Variants in PDE3A observed in about 807,000 individuals in gnomAD.
PDE3A encodes the protein phosphodiesterase 3A.
A neutral mutation model predicts 98.3 loss-of-function variants in PDE3A; 43 were observed. The observed-to-expected ratio is 0.44, with a 90% CI of 0.34 to 0.56. PDE3A has a LOEUF of 0.56. Ranked by LOEUF, PDE3A falls within the 20% of genes least tolerant of loss-of-function variation. The pLI is 0.01. For missense variants in PDE3A, 1,427 were observed against 1,440.7 expected (o/e 0.99, Z 0.15); for synonymous variants, 663 against 567.9 (o/e 1.17, Z -2.38).
intron 1 of PDE3A, among the ~76,000 whole-genome samples, chr12:20,531,367 A>G (rs1010139663): frequency 6.6e-6 from 1 of 152,284 alleles, no homozygotes; most frequent in Middle Eastern, 3.4e-3. Context: ...TTAAAATTAA[A>G]GATAATTCTA....
At chr12:20,448,559 A>C (rs1045121036) in intron 1 of PDE3A, among the ~76,000 whole-genome samples, 4 of 152,178 alleles carry the variant, frequency 2.6e-5, no homozygotes, top group Non-Finnish European at 5.9e-5. Flanking sequence ...CTTGGAGTTA[A>C]GACATTTTAA....
chr12:20,669,101 G>T (rs1249608290), intron 15 of PDE3A, among the ~76,000 whole-genome samples: 1 of 150,510 alleles, frequency 6.6e-6, no homozygotes, highest in Non-Finnish European at 1.5e-5. Context: ...CGGTATCAGC[G>T]ATGGAAGATG....
At chr12:20,389,434 G>C (rs1565533834) in intron 1 of PDE3A, among the ~76,000 whole-genome samples, 1 of 151,964 alleles carries the variant, frequency 6.6e-6, no homozygotes, top group Non-Finnish European at 1.5e-5. Flanking sequence ...AGGAAGATCA[G>C]AGTGCCAGTA....
chr12:20,448,210 C>T (rs1202721062), intron 1 of PDE3A, among the ~76,000 whole-genome samples: 5 of 152,084 alleles, frequency 3.3e-5, no homozygotes, highest in Admixed American at 6.5e-5. Flanking sequence ...GAGGCCGAGG[C>T]GGGTGGATCA....
intron 5 of PDE3A, among the ~76,000 whole-genome samples, chr12:20,627,500 GCTT>G (rs1419718138): frequency 6.6e-6 from 1 of 151,838 alleles, no homozygotes; most frequent in Admixed American, 6.6e-5. Context: ...TCCTGAACAT[GCTT>G]TCCCCAGCTA....
At chr12:20,474,355 G>A (rs1945491971) in intron 1 of PDE3A, among the ~76,000 whole-genome samples, 1 of 152,160 alleles carries the variant, frequency 6.6e-6, no homozygotes, top group Middle Eastern at 3.4e-3. Flanking sequence ...TATTGTGAGT[G>A]TTTTCTCGTA....
Position 20,481,764 on chromosome 12 carries a change from A to ATTTTTTTTTTTTTTTTTTT in PDE3A, c.961-74892_961-74874dup. Among the ~76,000 whole-genome samples the ATTTTTTTTTTTTTTTTTTT allele has an allele frequency of 2.0e-4, 16 of 79,592 alleles. 3 individuals carry two copies. The highest frequency in any genetic ancestry group is 7.8e-4 in the African/African-American group (15 of 19,304). 52.2% of individuals were successfully genotyped at this position (79,592 alleles called of 152,430 possible). ...TCCATGTAAGTGACTTGGGAAATAGATTTTTTTTTTTTTTTTTTTTTTGAG... is the reference window on the plus strand; with the variant it reads ...TCCATGTAAGTGACTTGGGAAATAGATTTTTTTTTTTTTTTTTTTTTTTTTTTTTTTTTTTTTTTTTGAG... On this transcript the variant is annotated intron_variant, in intron 1 of 15. Coordinates refer to ENST00000359062, the MANE Select transcript of PDE3A (RefSeq NM_000921.5).
At chr12:20,679,465 T>A (rs377700738) in intron 15 of PDE3A, among the ~76,000 whole-genome samples, 110 of 152,138 alleles carry the variant, frequency 7.2e-4, no homozygotes, top group African/African-American at 1.8e-3. Context: ...GCCAGGATGG[T>A]CTCAATCTCC....
intron 9 of PDE3A, among the ~76,000 whole-genome samples, chr12:20,639,005 T>A (rs1481179258): frequency 6.6e-6 from 1 of 152,118 alleles, no homozygotes. Context: ...TTACATTCAT[T>A]CAATTGCTTC....
rs150269222 is a variant in PDE3A at position 20,617,455 on chromosome 12, A to T, written c.1424+1071A>T. Among the ~76,000 whole-genome samples the T allele has an allele frequency of 4.4e-3, 671 of 152,230 alleles. 1 individual carries two copies. The highest frequency in any genetic ancestry group is 7.4e-3 in the Non-Finnish European group (503 of 67,990). ...TACCTGGACTTTTGTAAAACTTGTA[A>T]ATGAGACAAGAAGAGATTATGTAGT... On this transcript the variant is annotated intron_variant, in intron 4 of 15. Coordinates refer to ENST00000359062, the MANE Select transcript of PDE3A (RefSeq NM_000921.5).
intron 2 of PDE3A, among the ~76,000 whole-genome samples, chr12:20,592,618 G>A (rs895048699): frequency 2.0e-5 from 3 of 152,164 alleles, no homozygotes; most frequent in African/African-American, 7.2e-5. Context: ...TGTAGTCAGG[G>A]ACTGCTGAAA....
intron 1 of PDE3A, among the ~76,000 whole-genome samples, chr12:20,504,422 T>A (rs1470987071): frequency 6.6e-6 from 1 of 152,168 alleles, no homozygotes; most frequent in African/African-American, 2.4e-5. Flanking sequence ...ACCATATTCT[T>A]CTAAGATGAC....
Position 20,568,425 on chromosome 12 carries a change from G to A in PDE3A, c.1011+11715G>A, listed in dbSNP as rs541720409. Among the ~76,000 whole-genome samples, 11 of 151,858 alleles carry A rather than the reference G, an allele frequency of 7.2e-5. 1 individual carries two copies. The highest frequency in any genetic ancestry group is 6.8e-3 in the Middle Eastern group (2 of 294). Reference sequence around the variant, plus strand: ...AATATTTAAAAGACATTCTATGTTCGTCATTTTATGCACTGGTGGTTGTGG... The same window carrying A: ...AATATTTAAAAGACATTCTATGTTCATCATTTTATGCACTGGTGGTTGTGG... On this transcript the variant is annotated intron_variant, in intron 2 of 15. Coordinates refer to ENST00000359062, the MANE Select transcript of PDE3A (RefSeq NM_000921.5).
chr12:20,547,654 CTT>C lies in PDE3A; in HGVS notation c.961-9004_961-9003del, dbSNP rs2121241089. On this transcript the variant is annotated intron_variant, in intron 1 of 15. Coordinates refer to ENST00000359062, the MANE Select transcript of PDE3A (RefSeq NM_000921.5). Reference sequence around the variant, plus strand: ...TTTTCATATCTAAAACTTCTCACCTCTTTAAGGTACACACAAATAATAATTTT... The same window carrying C: ...TTTTCATATCTAAAACTTCTCACCTCTAAGGTACACACAAATAATAATTTT... 1.3e-5 allele frequency among the ~76,000 whole-genome samples: 2 copies of C among 152,140 alleles called. 1 individual carries two copies. Among genetic ancestry groups the C allele is most frequent in the South Asian group, 4.2e-4 (2 of 4,816 alleles).
intron 2 of PDE3A, among the ~76,000 whole-genome samples, chr12:20,564,597 T>G (rs2121294145): frequency 6.6e-6 from 1 of 152,246 alleles, no homozygotes; most frequent in Admixed American, 6.5e-5. Flanking sequence ...AGAGTTTGGC[T>G]CTGTCCTCAC....
chr12:20,655,511 A>C (rs572256939), intron 15 of PDE3A, among the ~76,000 whole-genome samples: 22 of 152,290 alleles, frequency 1.4e-4, no homozygotes, highest in Middle Eastern at 6.8e-3. Flanking sequence ...TGGTTGGGCC[A>C]GTAAAGCCCC....
At chr12:20,661,791 A>AGG (rs1337953150) in intron 15 of PDE3A, among the ~76,000 whole-genome samples, 4 of 152,318 alleles carry the variant, frequency 2.6e-5, no homozygotes, top group Admixed American at 2.6e-4. Flanking sequence ...AGTTTGCTGC[A>AGG]GGGGTGGGGC....
chr12:20,636,935 A>G (rs1235423875), intron 8 of PDE3A, among the ~76,000 whole-genome samples, 165 bp from the exon 9 acceptor site: 2 of 152,162 alleles, frequency 1.3e-5, no homozygotes, highest in Non-Finnish European at 2.9e-5. Context: ...TTTGGCGTCA[A>G]TGTCTCGTTC....
chr12:20,623,053 A>G (rs1053991199), intron 5 of PDE3A, among the ~76,000 whole-genome samples: 1 of 152,156 alleles, frequency 6.6e-6, no homozygotes, highest in African/African-American at 2.4e-5. Flanking sequence ...GAGAAAAGAC[A>G]TAACTGCAGA....
Sources: gnomAD v4.1 joint callset for allele counts (sites outside exome capture counted in the v4.1 genomes callset) on GRCh38, gnomAD v4.1.1 for gene constraint, MANE v1.5 for transcripts, NCBI Gene and HGNC (gene_info 2026-07-23, HGNC 2026-07-21) for gene names.